GLIS3: variants seen among roughly 807,000 people sequenced by gnomAD.
The protein encoded by GLIS3 is zinc finger protein GLIS3.
In GLIS3, 53 loss-of-function variants were observed where a neutral mutation model predicts 78.6. The ratio of observed to expected loss-of-function variants is 0.67; its 90% confidence interval spans 0.54 to 0.85. The LOEUF is 0.85. Ranked by LOEUF, GLIS3 falls within the 40% of genes least tolerant of loss-of-function variation. The probability of loss-of-function intolerance (pLI) is 0.00; values close to 1 mark genes in which losing one functional copy is unlikely to be tolerated. For synonymous variants in GLIS3, 684 were observed against 509.9 expected (o/e 1.34, Z -4.60); for missense variants, 1,703 against 1,231.1 (o/e 1.38, Z -5.74).
rs557362165 is a variant in GLIS3 at position 4,082,667 on chromosome 9, C to T, written c.1710+35101G>A. 2.9e-4 allele frequency among the ~76,000 whole-genome samples: 44 copies of T among 152,198 alleles called. 1 individual carries two copies. In the South Asian group the frequency reaches 8.3e-3, roughly 29 times the overall value. ...ATTCACGAAACTTTGATCAGTGTCC[C>T]GGGAGGCAGTGGGTCAAGATGAACC... On this transcript the variant is annotated intron_variant, in intron 4 of 10. Coordinates refer to ENST00000381971, the MANE Select transcript of GLIS3 (RefSeq NM_001042413.2).
chr9:4,132,724 G>T (rs190268316), intron 2 of GLIS3, among the ~76,000 whole-genome samples: 62 of 152,160 alleles, frequency 4.1e-4, no homozygotes, highest in Non-Finnish European at 6.9e-4. Flanking sequence ...CTGCTCCTAG[G>T]CTGGGTCATA....
At chr9:4,053,375 C>G (rs139178006) in intron 4 of GLIS3, among the ~76,000 whole-genome samples, 259 of 152,280 alleles carry the variant, frequency 1.7e-3, no homozygotes, top group African/African-American at 6.0e-3. Context: ...TTTGGTCAAG[C>G]AAGTTGCAAA....
At chr9:4,484,142 G>A in the GLIS3 span, among the ~76,000 whole-genome samples, 3 of 152,208 alleles carry the variant, frequency 2.0e-5, no homozygotes, top group Non-Finnish European at 4.4e-5. Flanking sequence ...AATTATAACA[G>A]TAAGAGAAAT....
intron 2 of GLIS3, among the ~76,000 whole-genome samples, chr9:4,156,313 T>C (rs1277302426): frequency 2.0e-5 from 3 of 152,236 alleles, no homozygotes; most frequent in Non-Finnish European, 2.9e-5. Flanking sequence ...ATTTCTCTAC[T>C]TCCTTTCCTC....
chr9:4,195,892 C>T (rs1030203331), intron 2 of GLIS3, among the ~76,000 whole-genome samples: 11 of 152,206 alleles, frequency 7.2e-5, no homozygotes, highest in African/African-American at 2.4e-4. Context: ...TTATGTCTAG[C>T]TAGAGGATTG....
At chr9:3,987,296 G>GA (rs1819818888) in intron 4 of GLIS3, among the ~76,000 whole-genome samples, 2 of 151,664 alleles carry the variant, frequency 1.3e-5, no homozygotes, top group Non-Finnish European at 1.5e-5. Context: ...AACATAATGA[G>GA]AAAAAAAATT....
At chr9:4,467,202 G>T in the GLIS3 span, among the ~76,000 whole-genome samples, 2,093 of 152,272 alleles carry the variant, frequency 0.014, 52 homozygotes, top group African/African-American at 0.049. Context: ...TCCACCTCTG[G>T]GGGCAGGGAA....
At chr9:4,207,848 T>C (rs1820019186) in intron 2 of GLIS3, among the ~76,000 whole-genome samples, 1 of 152,220 alleles carries the variant, frequency 6.6e-6, no homozygotes, top group Non-Finnish European at 1.5e-5. Flanking sequence ...AAGGGAATGA[T>C]CTTTTTAAGA....
intron 2 of GLIS3, among the ~76,000 whole-genome samples, chr9:4,274,869 G>A (rs1237863251): frequency 1.3e-5 from 2 of 152,150 alleles, no homozygotes; most frequent in East Asian, 3.9e-4. Flanking sequence ...CCTGGGGGAG[G>A]CTAAAACTGC....
chr9:4,443,568 T>C, the GLIS3 span, among the ~76,000 whole-genome samples: 4 of 152,046 alleles, frequency 2.6e-5, no homozygotes, highest in East Asian at 1.9e-4. Flanking sequence ...GAGACTAACA[T>C]AGCAGGAAGC....
chr9:3,974,385 G>A (rs942197149), intron 4 of GLIS3, among the ~76,000 whole-genome samples: 3 of 152,158 alleles, frequency 2.0e-5, no homozygotes, highest in African/African-American at 7.2e-5. Context: ...CTGATCAACA[G>A]AAGCTGCTGG....
intron 2 of GLIS3, among the ~76,000 whole-genome samples, chr9:4,318,463 C>A (rs1465410708): frequency 6.6e-6 from 1 of 152,098 alleles, no homozygotes. Flanking sequence ...CATCTTGTGA[C>A]AGAACGTAAA....
At chr9:4,236,204 A>AAAAAAGAAAG (rs536737911) in intron 2 of GLIS3, among the ~76,000 whole-genome samples, 21 of 86,382 alleles carry the variant, frequency 2.4e-4, no homozygotes, top group East Asian at 4.5e-4. Context: ...AAAAAAAAAA[A>AAAAAAGAAAG]AAAGAAAGAA....
the GLIS3 span, among the ~76,000 whole-genome samples, chr9:4,372,933 G>T: frequency 6.6e-6 from 1 of 152,164 alleles, no homozygotes; most frequent in Non-Finnish European, 1.5e-5. Flanking sequence ...CAAGGAGAAC[G>T]GCTGATATTT....
At chr9:3,847,116 A>G (rs1230621723) in intron 9 of GLIS3, among the ~76,000 whole-genome samples, 1 of 152,178 alleles carries the variant, frequency 6.6e-6, no homozygotes, top group African/African-American at 2.4e-5. Context: ...CCCGGGAGGC[A>G]GAGGTTGCAG....
chr9:4,129,895 C>T (rs1770395), intron 2 of GLIS3, among the ~76,000 whole-genome samples: 97,247 of 151,920 alleles, frequency 0.64, 31,410 homozygotes, highest in South Asian at 0.73. Flanking sequence ...AGAGACTGCC[C>T]GAATTATGAC....
At chr9:3,958,727 G>GAT (rs1817332246) in intron 4 of GLIS3, among the ~76,000 whole-genome samples, 1 of 152,328 alleles carries the variant, frequency 6.6e-6, no homozygotes. Flanking sequence ...AATAGAATGA[G>GAT]ATATAATAAA....
intron 4 of GLIS3, among the ~76,000 whole-genome samples, chr9:4,074,801 T>A (rs1395689398): frequency 6.6e-6 from 1 of 152,230 alleles, no homozygotes; most frequent in Non-Finnish European, 1.5e-5. Context: ...CACCATGATC[T>A]TGGTAACGAG....
intron 4 of GLIS3, among the ~76,000 whole-genome samples, chr9:3,978,990 T>G (rs988593247): frequency 1.3e-5 from 2 of 152,216 alleles, no homozygotes; most frequent in Admixed American, 6.5e-5. Context: ...ACAGGATGTG[T>G]GTAGGTTGTA....
Sources: allele counts gnomAD v4.1 joint callset (sites outside exome capture counted in the v4.1 genomes callset), GRCh38; gene constraint gnomAD v4.1.1; transcripts MANE v1.5; gene names NCBI Gene and HGNC (gene_info 2026-07-23, HGNC 2026-07-21).